SHROOM3: variants seen among roughly 807,000 people sequenced by gnomAD.
SHROOM3 encodes protein Shroom3.
In SHROOM3, 47 loss-of-function variants were observed where a neutral mutation model predicts 138.6. That is an observed-to-expected ratio of 0.34 (90% confidence interval 0.27 to 0.43). SHROOM3 has a LOEUF of 0.43. SHROOM3 is among the 20% of genes least tolerant of loss of function. The pLI is 1.00. For synonymous variants in SHROOM3, 1,062 were observed against 1,063.3 expected (o/e 1.00, Z 0.02); for missense variants, 2,491 against 2,596.5 (o/e 0.96, Z 0.88).
intron 10 of SHROOM3, among the ~76,000 whole-genome samples, chr4:76,773,453 G>C (rs893938141): frequency 1.3e-5 from 2 of 151,576 alleles, no homozygotes; most frequent in African/African-American, 4.8e-5. Context: ...AGATAAAGAA[G>C]AAAGTTCAAA....
At chr4:76,564,888 G>A (rs1433787735) in intron 2 of SHROOM3, among the ~76,000 whole-genome samples, 1 of 151,830 alleles carries the variant, frequency 6.6e-6, no homozygotes, top group Non-Finnish European at 1.5e-5. Flanking sequence ...AAGGCTGGGT[G>A]CGGTGGCTCA....
chr4:76,437,806 C>T (rs984458063), intron 1 of SHROOM3, among the ~76,000 whole-genome samples: 1 of 152,184 alleles, frequency 6.6e-6, no homozygotes, highest in African/African-American at 2.4e-5. Context: ...CTGCAATGAA[C>T]ATAAATATTG....
At chr4:76,697,229 G>A (rs1001700927) in intron 2 of SHROOM3, among the ~76,000 whole-genome samples, 42 of 151,480 alleles carry the variant, frequency 2.8e-4, no homozygotes, top group African/African-American at 1.0e-3. Flanking sequence ...ACTCTGCCCC[G>A]AGAGTTTGTC....
chr4:76,707,018 G>A (rs762706130), intron 2 of SHROOM3, among the ~76,000 whole-genome samples: 2 of 152,180 alleles, frequency 1.3e-5, no homozygotes, highest in African/African-American at 2.4e-5. Context: ...CCTGGAGAGT[G>A]TATAGTTTAT....
At chr4:76,535,431 G>C (rs959394439) in intron 1 of SHROOM3, among the ~76,000 whole-genome samples, 4 of 152,068 alleles carry the variant, frequency 2.6e-5, no homozygotes, top group African/African-American at 9.7e-5. Flanking sequence ...TTCTCTCTTA[G>C]GATTATTTGG....
At chr4:76,716,215 C>G in intron 3 of SHROOM3, 1 of 463,478 alleles carries the variant, frequency 2.2e-6, no homozygotes, top group South Asian at 1.6e-5. Context: ...GTCCCTCCCA[C>G]TTGCGCTGAG....
intron 1 of SHROOM3, among the ~76,000 whole-genome samples, chr4:76,475,289 C>T (rs1187498168): frequency 2.0e-5 from 3 of 152,076 alleles, no homozygotes; most frequent in Middle Eastern, 3.2e-3. Flanking sequence ...ATTTGGAGAA[C>T]TGGGAAGGGA....
intron 2 of SHROOM3, among the ~76,000 whole-genome samples, chr4:76,663,649 C>T (rs372654047): frequency 2.0e-5 from 3 of 152,276 alleles, no homozygotes; most frequent in East Asian, 3.9e-4. Context: ...CCTCCCTCAG[C>T]CTCCTGGGTA....
chr4:76,485,470 A>G (rs1731710100), intron 1 of SHROOM3, among the ~76,000 whole-genome samples: 1 of 152,248 alleles, frequency 6.6e-6, no homozygotes, highest in African/African-American at 2.4e-5. Context: ...CTTATCCCTT[A>G]TGAATGCATA....
intron 2 of SHROOM3, among the ~76,000 whole-genome samples, chr4:76,695,891 C>G (rs183176070): frequency 6.6e-6 from 1 of 152,172 alleles, no homozygotes; most frequent in Non-Finnish European, 1.5e-5. Flanking sequence ...ATCGAAGAAG[C>G]CCCTCAGCAT....
In SHROOM3 at chr4:76,561,686, T is replaced by TAAAA. The variant is rs549046211; in HGVS notation, c.323+5941_323+5944dup. Among the ~76,000 whole-genome samples the TAAAA allele has an allele frequency of 3.1e-3, 281 of 89,348 alleles. 2 individuals are homozygous for TAAAA. Among genetic ancestry groups the TAAAA allele is most frequent in the African/African-American group, 0.012 (264 of 22,080 alleles). The allele number at this position is 89,348 out of a possible 152,430, so 58.6% of individuals were successfully genotyped here. On this transcript the variant is annotated intron_variant, in intron 2 of 10. Transcript: ENST00000296043. Reference sequence around the variant, plus strand: ...CTCCTTTTAGAAATATCTGTGATGCTAAAAAAAAAAAAAAAAAAAAAGAGA... The same window carrying TAAAA: ...CTCCTTTTAGAAATATCTGTGATGCTAAAAAAAAAAAAAAAAAAAAAAAAAGAGA...
At chr4:76,653,101 G>A (rs1735996218) in intron 2 of SHROOM3, among the ~76,000 whole-genome samples, 1 of 152,002 alleles carries the variant, frequency 6.6e-6, no homozygotes. Context: ...CTCATATTAT[G>A]AAGAATTGCT....
intron 1 of SHROOM3, among the ~76,000 whole-genome samples, chr4:76,449,205 C>T (rs1356293802): frequency 6.6e-6 from 1 of 152,028 alleles, no homozygotes; most frequent in African/African-American, 2.4e-5. Context: ...AATGTGACCC[C>T]CTTGAACAGA....
At chr4:76,596,581 A>AACACACACACACACACAC (rs58214296) in intron 2 of SHROOM3, among the ~76,000 whole-genome samples, 49 of 138,220 alleles carry the variant, frequency 3.5e-4, no homozygotes, top group East Asian at 1.3e-3. Flanking sequence ...GGTACAGAGA[A>AACACACACACACACACAC]ACACACACAC....
At chr4:76,756,333 C>A in intron 7 of SHROOM3, 116 bp from the exon 8 acceptor site, 1 of 1,216,914 alleles carries the variant, frequency 8.2e-7, no homozygotes, top group Non-Finnish European at 1.2e-6. Flanking sequence ...AAGCTACAGC[C>A]CTGATGTGGA....
chr4:76,739,429 C>T lies in SHROOM3; in HGVS notation c.1256C>T (p.Ser419Phe), dbSNP rs1721177051. 6.8e-6 allele frequency: 11 copies of T among 1,614,086 alleles called. No homozygotes were observed. The Admixed American group carries it at 1.5e-4, about 22-fold the overall frequency. The part of the protein sequence containing the change: ...QKRLCRPQAN[S>F]LGSLKSPFIE... ...CGGCTCTGCCGGCCTCAGGCAAACT[C>T]TTTAGGCTCCCTGAAGTCTCCATTC... Residue 419 changes from serine to phenylalanine, a missense_variant, in exon 5 of 11, where the codon TCT (serine) becomes TTT (phenylalanine). By Grantham distance (155) the Ser-to-Phe change is radical. Around this residue, in one of 4 missense-constraint regions of SHROOM3, gnomAD observed 1,733 missense variants for 1,661.6 expected, o/e 1.04. Coordinates refer to ENST00000296043, the MANE Select transcript of SHROOM3 (RefSeq NM_020859.4).
intron 1 of SHROOM3, among the ~76,000 whole-genome samples, chr4:76,493,588 T>A (rs1260439293): frequency 6.6e-6 from 1 of 152,198 alleles, no homozygotes; most frequent in Admixed American, 6.5e-5. Context: ...ATTAGGAGCC[T>A]GGCTAGGACG....
At chr4:76,451,448 A>T (rs1730924113) in intron 1 of SHROOM3, among the ~76,000 whole-genome samples, 1 of 152,220 alleles carries the variant, frequency 6.6e-6, no homozygotes, top group South Asian at 2.1e-4. Context: ...TCATTTATAT[A>T]AATTTTTAAA....
At chr4:76,601,893 TC>T (rs1348360413) in intron 2 of SHROOM3, among the ~76,000 whole-genome samples, 3 of 152,126 alleles carry the variant, frequency 2.0e-5, no homozygotes, top group Admixed American at 2.0e-4. Context: ...GTCCCCAAAG[TC>T]CTCAGGCCAG....
Sources: allele counts gnomAD v4.1 joint callset (sites outside exome capture counted in the v4.1 genomes callset), GRCh38; gene constraint gnomAD v4.1.1; regional missense constraint gnomAD v4.1.1; transcripts MANE v1.5; gene names NCBI Gene and HGNC (gene_info 2026-07-23, HGNC 2026-07-21).